The following KCNIP4 variants were observed in gnomAD, a reference collection of about 807,000 sequenced individuals.
The protein encoded by KCNIP4 is potassium voltage-gated channel interacting protein 4, also known as Kv channel-interacting protein 4.
In KCNIP4, 12 loss-of-function variants were observed where a neutral mutation model predicts 34.0. That is an observed-to-expected ratio of 0.35 (90% confidence interval 0.23 to 0.57). The LOEUF (loss-of-function observed/expected upper bound fraction) is 0.57. Among genes scored for constraint, KCNIP4 ranks in the 20% least tolerant of loss-of-function variants. KCNIP4 has a pLI of 0.83. For missense variants in KCNIP4, 238 were observed against 311.7 expected, an observed-to-expected ratio of 0.76 and a Z score of 1.78; for synonymous variants, 124 against 102.2, an observed-to-expected ratio of 1.21 and a Z score of -1.29.
chr4:21,919,115 T>C (rs1395636590), intron 1 of KCNIP4, among the ~76,000 whole-genome samples: 2 of 152,206 alleles, frequency 1.3e-5, no homozygotes, highest in Non-Finnish European at 2.9e-5. Flanking sequence ...TTTAATCCAC[T>C]GTCACGGTAG....
intron 1 of KCNIP4, among the ~76,000 whole-genome samples, chr4:21,879,353 A>C (rs1578103489): frequency 6.6e-6 from 1 of 152,040 alleles, no homozygotes; most frequent in African/African-American, 2.4e-5. Context: ...AGTGCTACTC[A>C]CCCCTATCCC....
intron 1 of KCNIP4, among the ~76,000 whole-genome samples, chr4:21,418,432 G>A (rs1308783307): frequency 6.6e-6 from 1 of 152,142 alleles, no homozygotes; most frequent in Admixed American, 6.6e-5. Flanking sequence ...AGAAGGCAGA[G>A]GTTGCAGTGA....
At chr4:21,276,480 C>T (rs2109150691) in intron 1 of KCNIP4, among the ~76,000 whole-genome samples, 1 of 151,794 alleles carries the variant, frequency 6.6e-6, no homozygotes, top group African/African-American at 2.4e-5. Context: ...GCTGGGATCA[C>T]AGGCGTGAGC....
intron 1 of KCNIP4, among the ~76,000 whole-genome samples, chr4:21,216,479 T>A (rs1757585290): frequency 1.3e-5 from 2 of 152,236 alleles, no homozygotes; most frequent in African/African-American, 4.8e-5. Context: ...CCTGTCTACA[T>A]AATAGGTACT....
intron 1 of KCNIP4, among the ~76,000 whole-genome samples, chr4:21,232,573 T>C (rs1486602078): frequency 1.3e-5 from 2 of 152,186 alleles, no homozygotes; most frequent in Non-Finnish European, 2.9e-5. Flanking sequence ...CAACAAATTA[T>C]TATTGAGAAT....
intron 4 of KCNIP4, among the ~76,000 whole-genome samples, chr4:20,754,741 A>T (rs1233868212): frequency 3.3e-5 from 5 of 152,194 alleles, no homozygotes; most frequent in African/African-American, 1.2e-4. Flanking sequence ...AATCCTTTGC[A>T]AAATAGATGT....
At chr4:21,502,229 A>G (rs1327698066) in intron 1 of KCNIP4, among the ~76,000 whole-genome samples, 1 of 152,064 alleles carries the variant, frequency 6.6e-6, no homozygotes, top group African/African-American at 2.4e-5. Context: ...ATTCATCCCT[A>G]TGTCAAGGTC....
At chr4:21,241,108 T>C (rs1357287056) in intron 1 of KCNIP4, among the ~76,000 whole-genome samples, 1 of 152,088 alleles carries the variant, frequency 6.6e-6, no homozygotes, top group African/African-American at 2.4e-5. Context: ...TTTAATGACA[T>C]GGAATTTTGT....
intron 1 of KCNIP4, among the ~76,000 whole-genome samples, chr4:21,806,645 A>C (rs1007176903): frequency 2.0e-5 from 3 of 152,234 alleles, no homozygotes; most frequent in African/African-American, 7.2e-5. Flanking sequence ...TTAACTTCTC[A>C]AAGTTCATGA....
chr4:21,503,858 G>A (rs1419383118), intron 1 of KCNIP4, among the ~76,000 whole-genome samples: 5 of 152,180 alleles, frequency 3.3e-5, no homozygotes, highest in African/African-American at 1.2e-4. Flanking sequence ...GTTGGTGTTT[G>A]CTAACAGAGA....
At position 20,829,712 on chromosome 4, in the gene KCNIP4, G is replaced by A. The variant is rs576020230; in HGVS notation, c.288+20831C>T. Among the ~76,000 whole-genome samples, 22 of 152,124 alleles carry A rather than the reference G, an allele frequency of 1.4e-4. No individual in the cohort carries two copies. In the South Asian group the frequency reaches 3.1e-3, roughly 22 times the overall value. On this transcript the variant is annotated intron_variant, in intron 3 of 8. Transcript: ENST00000382152. The stretch of plus-strand genomic sequence containing the variant: ...GATAATCACTAGCTTGAACCACTGC[G>A]ATAAGTTTGAAGCTGATTTAATAGC...
At chr4:21,009,790 G>A (rs1041771542) in intron 1 of KCNIP4, among the ~76,000 whole-genome samples, 6 of 152,164 alleles carry the variant, frequency 3.9e-5, no homozygotes, top group Non-Finnish European at 8.8e-5. Context: ...GCTGCTTCAG[G>A]CACGCATTCT....
chr4:21,250,125 T>C (rs1760588015), intron 1 of KCNIP4, among the ~76,000 whole-genome samples: 1 of 151,506 alleles, frequency 6.6e-6, no homozygotes, highest in South Asian at 2.1e-4. Flanking sequence ...TCTTTCTTTT[T>C]TTTTTTCCCC....
chr4:21,260,011 T>G (rs1482987367), intron 1 of KCNIP4, among the ~76,000 whole-genome samples: 2 of 151,876 alleles, frequency 1.3e-5, no homozygotes, highest in Non-Finnish European at 2.9e-5. Context: ...TCAGACCTCT[T>G]TATAAGTGAC....
chr4:21,338,859 T>C (rs1353499239), intron 1 of KCNIP4, among the ~76,000 whole-genome samples: 2 of 152,116 alleles, frequency 1.3e-5, no homozygotes, highest in Admixed American at 1.3e-4. Context: ...TCAGTTATAT[T>C]TGATGAAACA....
chr4:21,858,791 A>G (rs1724900398), intron 1 of KCNIP4, among the ~76,000 whole-genome samples: 1 of 152,248 alleles, frequency 6.6e-6, no homozygotes, highest in African/African-American at 2.4e-5. Context: ...AACAGTATTT[A>G]GGAAATCCTA....
At chr4:21,795,454 G>A (rs577026033) in intron 1 of KCNIP4, among the ~76,000 whole-genome samples, 4 of 152,154 alleles carry the variant, frequency 2.6e-5, no homozygotes, top group Non-Finnish European at 5.9e-5. Flanking sequence ...AAATCACCCT[G>A]TGCAATGTCT....
intron 1 of KCNIP4, among the ~76,000 whole-genome samples, chr4:21,344,442 T>C (rs1717085596): frequency 6.6e-6 from 1 of 152,068 alleles, no homozygotes; most frequent in African/African-American, 2.4e-5. Flanking sequence ...TAGCCAAAGG[T>C]CTTGGAAACC....
intron 1 of KCNIP4, among the ~76,000 whole-genome samples, chr4:21,090,576 T>C (rs1577674119): frequency 6.6e-6 from 1 of 152,168 alleles, no homozygotes; most frequent in Admixed American, 6.5e-5. Flanking sequence ...CCTTCCATCT[T>C]AAAAGAGAAA....
Sources: gnomAD v4.1 joint callset for allele counts (sites outside exome capture counted in the v4.1 genomes callset) on GRCh38, gnomAD v4.1.1 for gene constraint, MANE v1.5 for transcripts, NCBI Gene and HGNC (gene_info 2026-07-23, HGNC 2026-07-21) for gene names.